Variants in PRKAR1A observed in about 807,000 individuals in gnomAD.
PRKAR1A encodes the protein protein kinase cAMP-dependent type I regulatory subunit alpha.
Under a neutral mutation model 52.0 loss-of-function variants are expected in PRKAR1A, and 3 were observed. That is an observed-to-expected ratio of 0.06 (90% CI 0.03 to 0.15). PRKAR1A has a LOEUF of 0.15. Ranked by LOEUF, PRKAR1A falls within the 10% of genes least tolerant of loss-of-function variation. The pLI, the probability that PRKAR1A is intolerant of heterozygous loss-of-function variation, is 1.00. For synonymous variants in PRKAR1A, 188 were observed against 168.4 expected, an observed-to-expected ratio of 1.12 and a Z score of -0.90; for missense variants, 240 against 477.4, an observed-to-expected ratio of 0.50 and a Z score of 4.63.
At chr17:68,446,995 T>G in the PRKAR1A span, among the ~76,000 whole-genome samples, 2 of 152,232 alleles carry the variant, frequency 1.3e-5, no homozygotes, top group African/African-American at 4.8e-5. Flanking sequence ...ATGCTGCTGA[T>G]TGCTTTTTTA....
At chr17:68,449,700 G>C in the PRKAR1A span, among the ~76,000 whole-genome samples, 2 of 152,168 alleles carry the variant, frequency 1.3e-5, no homozygotes, top group Non-Finnish European at 2.9e-5. Flanking sequence ...AGCTCCCTGA[G>C]CCCTCCCCAG....
At chr17:68,536,401 C>A (rs933543877), downstream of PRKAR1A, 38 of 453,942 alleles carry the variant, frequency 8.4e-5, no homozygotes, top group Non-Finnish European at 1.6e-4. Flanking sequence ...AACAAAGCCT[C>A]CTATTAAAAG....
the PRKAR1A span, chr17:68,424,625 T>C: frequency 0.78 from 328,795 of 422,642 alleles, 128,766 homozygotes; most frequent in African/African-American, 0.91. Context: ...CCTGTAATCC[T>C]AGCACTTTGG....
At chr17:68,498,373 T>C in the PRKAR1A span, among the ~76,000 whole-genome samples, 1 of 152,220 alleles carries the variant, frequency 6.6e-6, no homozygotes, top group Non-Finnish European at 1.5e-5. Context: ...TTAATATTTG[T>C]TTTTATCCAT....
At chr17:68,496,452 CA>C in the PRKAR1A span, among the ~76,000 whole-genome samples, 3 of 152,208 alleles carry the variant, frequency 2.0e-5, no homozygotes, top group Middle Eastern at 3.2e-3. Flanking sequence ...CTTGTGATTA[CA>C]CCGGCCACGT....
downstream of PRKAR1A, among the ~76,000 whole-genome samples, chr17:68,534,033 T>C (rs921468141): frequency 3.9e-5 from 6 of 152,158 alleles, no homozygotes; most frequent in Non-Finnish European, 7.4e-5. Context: ...CTCCCAAAGG[T>C]ATTATTATAA....
the PRKAR1A span, among the ~76,000 whole-genome samples, chr17:68,418,537 T>C: frequency 6.6e-6 from 1 of 152,256 alleles, no homozygotes; most frequent in East Asian, 1.9e-4. Context: ...CTTTGAGATC[T>C]ACCCATTCTC....
chr17:68,456,121 G>C, the PRKAR1A span, among the ~76,000 whole-genome samples: 1 of 152,236 alleles, frequency 6.6e-6, no homozygotes, highest in South Asian at 2.1e-4. Context: ...ATTGGGTGAT[G>C]TTGCAATACA....
chr17:68,421,533 T>C, the PRKAR1A span: 13 of 549,356 alleles, frequency 2.4e-5, no homozygotes, highest in South Asian at 2.3e-4. Flanking sequence ...ATTTACACTA[T>C]AGTTTGAACG....
At chr17:68,497,421 TGCTGTATCTGG>T in the PRKAR1A span, among the ~76,000 whole-genome samples, 7 of 152,180 alleles carry the variant, frequency 4.6e-5, no homozygotes, top group African/African-American at 1.7e-4. Flanking sequence ...TGTGGGAATA[TGCTGTATCTGG>T]GCTGTCCAAT....
the PRKAR1A span, among the ~76,000 whole-genome samples, chr17:68,467,865 GGTT>G: frequency 1.4e-4 from 21 of 152,070 alleles, no homozygotes; most frequent in African/African-American, 3.9e-4. Context: ...ATTATGCAGG[GGTT>G]GTTGTTGTTG....
At chr17:68,541,037 C>T in intron 11 of PRKAR1A, 3 of 1,543,682 alleles carry the variant, frequency 1.9e-6, no homozygotes, top group East Asian at 2.5e-5. Flanking sequence ...CTCCCCCTGC[C>T]CCCCCAATCC....
intron 7 of PRKAR1A, among the ~76,000 whole-genome samples, chr17:68,526,470 A>G (rs7221724): frequency 0.18 from 27,291 of 152,156 alleles, 2,797 homozygotes; most frequent in African/African-American, 0.28. Context: ...AGTCTCAGCC[A>G]ATGCATTGGT....
At chr17:68,470,780 T>C in the PRKAR1A span, among the ~76,000 whole-genome samples, 6 of 152,224 alleles carry the variant, frequency 3.9e-5, no homozygotes, top group Non-Finnish European at 7.3e-5. Context: ...TCTATTATTA[T>C]ATCAACATTT....
chr17:68,535,797 A>G, downstream of PRKAR1A: 1 of 453,808 alleles, frequency 2.2e-6, no homozygotes, highest in Non-Finnish European at 4.4e-6. Flanking sequence ...GTGTGAGCCC[A>G]TGCCCAGCTG....
At position 68,531,448 on chromosome 17, in the gene PRKAR1A, G is replaced by A; in HGVS notation, c.*999G>A. On this transcript the variant is annotated 3_prime_UTR_variant, in exon 11 of 11. Transcript: ENST00000589228. Reference sequence around the variant, plus strand: ...AATGTCCTAACAGAGAAATAGAGGTGATGCTGCTAAAGGGAGAAATGCCAG... The same window carrying A: ...AATGTCCTAACAGAGAAATAGAGGTAATGCTGCTAAAGGGAGAAATGCCAG... The A allele has an allele frequency of 2.8e-6, 3 of 1,066,126 alleles. No individual in the cohort carries two copies. The highest frequency in any genetic ancestry group is 3.4e-6 in the Non-Finnish European group (3 of 879,612). The allele number at this position is 1,066,126 out of a possible 1,614,324, so 66.0% of individuals were successfully genotyped here.
chr17:68,527,592 T>C (rs2085830639), intron 7 of PRKAR1A: 1 of 460,942 alleles, frequency 2.2e-6, no homozygotes, highest in South Asian at 2.2e-5. Context: ...TATGTCAACA[T>C]ACTGGTTGCA....
At chr17:68,511,571 G>A (rs2085265295), upstream of PRKAR1A, among the ~76,000 whole-genome samples, 1 of 152,188 alleles carries the variant, frequency 6.6e-6, no homozygotes, top group Admixed American at 6.5e-5. Flanking sequence ...GGTTCTAGAA[G>A]GACTCAGGCC....
rs1015114895 is a variant in PRKAR1A, at chr17:68,542,758, G to A, written c.974-8326G>A. Reference sequence around the variant, plus strand: ...TGGTGACCTCTAGGATTTCCTTGGTGACATTTACTATCCTCCCCACTGTTG... The same window carrying A: ...TGGTGACCTCTAGGATTTCCTTGGTAACATTTACTATCCTCCCCACTGTTG... On this transcript the variant is annotated intron_variant, in intron 11 of 11. Transcript: ENST00000585981. 5 of 1,614,166 alleles carry A rather than the reference G, an allele frequency of 3.1e-6. No homozygotes were observed. Among genetic ancestry groups the A allele is most frequent in the Non-Finnish European group, 4.2e-6 (5 of 1,180,018 alleles).
Sources: gnomAD v4.1 joint callset for allele counts (sites outside exome capture counted in the v4.1 genomes callset) on GRCh38, gnomAD v4.1.1 for gene constraint, MANE v1.5 for transcripts, NCBI Gene and HGNC (gene_info 2026-07-23, HGNC 2026-07-21) for gene names.